Variants in LDLRAD3 observed in about 807,000 individuals in gnomAD.
LDLRAD3 encodes low density lipoprotein receptor class A domain containing 3, also known as low-density lipoprotein receptor class A domain-containing protein 3.
Under a neutral mutation model 29.4 loss-of-function variants are expected in LDLRAD3, and 20 were observed. The ratio of observed to expected loss-of-function variants is 0.68; its 90% CI spans 0.48 to 0.99. LDLRAD3 has a LOEUF of 0.99. Ranked by LOEUF, LDLRAD3 falls within the 50% of genes least tolerant of loss-of-function variation. The pLI is 0.00. For synonymous variants in LDLRAD3, 157 were observed against 192.7 expected (o/e 0.81, Z 1.53); for missense variants, 420 against 454.3 (o/e 0.92, Z 0.69).
chr11:35,963,192 A>G (rs910995333), intron 1 of LDLRAD3, among the ~76,000 whole-genome samples: 1 of 152,236 alleles, frequency 6.6e-6, no homozygotes, highest in East Asian at 1.9e-4. Flanking sequence ...TATGAAACCA[A>G]CCAACGGTCC....
At chr11:36,035,080 A>G (rs1242320664) in intron 1 of LDLRAD3, among the ~76,000 whole-genome samples, 1 of 152,190 alleles carries the variant, frequency 6.6e-6, no homozygotes, top group African/African-American at 2.4e-5. Flanking sequence ...GCATCTTTAG[A>G]ACATAGCACA....
At position 36,093,675 on chromosome 11, in the gene LDLRAD3, A is replaced by C. The variant is rs183934387; in HGVS notation, c.320-4652A>C. ...TGCCCATTCAGCCCACCTGTGTTAT[A>C]GGTTGTACCCACGTTCAGTGGTTCC... On this transcript the variant is annotated intron_variant, in intron 3 of 5. Coordinates refer to ENST00000315571, the MANE Select transcript of LDLRAD3 (RefSeq NM_174902.4). Among the ~76,000 whole-genome samples the C allele has an allele frequency of 2.3e-3, 350 of 152,272 alleles. 6 individuals carry two copies. Among genetic ancestry groups the C allele is most frequent in the Admixed American group, 0.019 (296 of 15,296 alleles).
At chr11:36,204,834 T>G (rs1855183245) in intron 4 of LDLRAD3, among the ~76,000 whole-genome samples, 1 of 152,182 alleles carries the variant, frequency 6.6e-6, no homozygotes, top group Non-Finnish European at 1.5e-5. Flanking sequence ...GTTCTTAAGT[T>G]TGCAAAGTTT....
chr11:35,998,480 T>C (rs562732199), intron 1 of LDLRAD3, among the ~76,000 whole-genome samples: 2 of 152,316 alleles, frequency 1.3e-5, no homozygotes, highest in African/African-American at 4.8e-5. Context: ...TGCTCAGCTA[T>C]GTGAAATGCT....
At chr11:36,219,636 C>G (rs1855401289) in intron 4 of LDLRAD3, among the ~76,000 whole-genome samples, 1 of 152,072 alleles carries the variant, frequency 6.6e-6, no homozygotes, top group Admixed American at 6.6e-5. Flanking sequence ...TTACCTTGCA[C>G]CATAAACAAA....
chr11:35,946,405 A>G (rs1266240393), intron 1 of LDLRAD3, among the ~76,000 whole-genome samples: 2 of 152,238 alleles, frequency 1.3e-5, no homozygotes, highest in African/African-American at 4.8e-5. Context: ...CTGACATTCC[A>G]AGAGCAGTTT....
At chr11:35,957,344 G>T (rs1294262643) in intron 1 of LDLRAD3, among the ~76,000 whole-genome samples, 1 of 152,098 alleles carries the variant, frequency 6.6e-6, no homozygotes, top group East Asian at 1.9e-4. Flanking sequence ...TTTGATGTTG[G>T]CTGTAAAAAT....
At chr11:36,005,271 A>C (rs1432843701) in intron 1 of LDLRAD3, among the ~76,000 whole-genome samples, 1 of 152,216 alleles carries the variant, frequency 6.6e-6, no homozygotes, top group Non-Finnish European at 1.5e-5. Context: ...CACTTTTAGA[A>C]ACAGCCAGGT....
At chr11:36,032,236 A>G (rs1173162383) in intron 1 of LDLRAD3, among the ~76,000 whole-genome samples, 1 of 152,198 alleles carries the variant, frequency 6.6e-6, no homozygotes, top group Non-Finnish European at 1.5e-5. Context: ...TGAGCCTGTT[A>G]CACAGATGAA....
chr11:36,058,307 C>T (rs1178862229), intron 2 of LDLRAD3, among the ~76,000 whole-genome samples: 5 of 152,182 alleles, frequency 3.3e-5, no homozygotes, highest in African/African-American at 1.2e-4. Flanking sequence ...ACACCACTTC[C>T]CCCAGAAGCA....
chr11:36,047,857 T>C (rs144167101), intron 2 of LDLRAD3, among the ~76,000 whole-genome samples: 353 of 152,298 alleles, frequency 2.3e-3, no homozygotes, highest in Non-Finnish European at 3.5e-3. Context: ...ACACAATCAA[T>C]GTCAGCTGTA....
At chr11:36,142,321 C>G (rs1460403040) in intron 4 of LDLRAD3, among the ~76,000 whole-genome samples, 2 of 152,216 alleles carry the variant, frequency 1.3e-5, no homozygotes, top group African/African-American at 4.8e-5. Context: ...GACATAGACA[C>G]AAGAATATCC....
At chr11:36,064,001 G>A (rs1852748831) in intron 2 of LDLRAD3, among the ~76,000 whole-genome samples, 2 of 152,058 alleles carry the variant, frequency 1.3e-5, no homozygotes, top group South Asian at 4.2e-4. Context: ...ATCAATTTGG[G>A]GAGTATTGCC....
At chr11:36,130,939 T>G (rs1853917045) in intron 4 of LDLRAD3, among the ~76,000 whole-genome samples, 1 of 152,160 alleles carries the variant, frequency 6.6e-6, no homozygotes, top group South Asian at 2.1e-4. Context: ...CCTAATGTCT[T>G]TATCTAACCC....
intron 2 of LDLRAD3, among the ~76,000 whole-genome samples, chr11:36,056,814 A>T (rs944491183): frequency 2.0e-5 from 3 of 152,048 alleles, no homozygotes; most frequent in Non-Finnish European, 4.4e-5. Flanking sequence ...TCCACTAAAT[A>T]TGTCTGGCAG....
intron 3 of LDLRAD3, among the ~76,000 whole-genome samples, chr11:36,093,523 G>A (rs1377318532): frequency 6.6e-6 from 1 of 151,954 alleles, no homozygotes; most frequent in Non-Finnish European, 1.5e-5. Context: ...ATATAGTACA[G>A]TACATAGCCT....
At chr11:36,180,029 C>T (rs1410151449) in intron 4 of LDLRAD3, among the ~76,000 whole-genome samples, 1 of 152,138 alleles carries the variant, frequency 6.6e-6, no homozygotes, top group East Asian at 1.9e-4. Context: ...CAAAAAACAA[C>T]ATATGTAAAA....
chr11:36,201,837 T>C (rs1855131142), intron 4 of LDLRAD3, among the ~76,000 whole-genome samples: 1 of 152,216 alleles, frequency 6.6e-6, no homozygotes, highest in African/African-American at 2.4e-5. Context: ...GGATGTGGTT[T>C]TTCTCAACTC....
intron 4 of LDLRAD3, among the ~76,000 whole-genome samples, chr11:36,164,971 G>A (rs1471629699): frequency 6.6e-6 from 1 of 152,134 alleles, no homozygotes; most frequent in Non-Finnish European, 1.5e-5. Flanking sequence ...CATTATAAAA[G>A]TACATATACT....
Sources: gnomAD v4.1 joint callset for allele counts (sites outside exome capture counted in the v4.1 genomes callset) on GRCh38, gnomAD v4.1.1 for gene constraint, MANE v1.5 for transcripts, NCBI Gene and HGNC (gene_info 2026-07-23, HGNC 2026-07-21) for gene names.